The following ASIC2 variants were observed in gnomAD, a reference collection of about 807,000 sequenced individuals.
The protein encoded by ASIC2 is acid sensing ion channel subunit 2, also known as acid-sensing ion channel 2.
ASIC2 carries 25 observed loss-of-function variants against 57.3 expected under a neutral mutation model. The observed-to-expected ratio is 0.44, with a 90% confidence interval of 0.32 to 0.61. ASIC2 has a LOEUF of 0.61. Ranked by LOEUF, ASIC2 falls within the 20% of genes least tolerant of loss-of-function variation. The probability of loss-of-function intolerance (pLI) is 0.06; values close to 1 mark genes in which losing one functional copy is unlikely to be tolerated. For missense variants in ASIC2, 641 were observed against 738.1 expected (o/e 0.87, Z 1.52); for synonymous variants, 319 against 307.5 (o/e 1.04, Z -0.39).
intron 3 of ASIC2, among the ~76,000 whole-genome samples, chr17:33,064,896 A>T (rs1401619459): frequency 6.6e-6 from 1 of 152,202 alleles, no homozygotes; most frequent in Non-Finnish European, 1.5e-5. Context: ...AGTCATGCAC[A>T]TGCAGAGCTT....
chr17:34,075,075 G>C (rs1325188525), intron 1 of ASIC2, among the ~76,000 whole-genome samples: 1 of 152,128 alleles, frequency 6.6e-6, no homozygotes, highest in African/African-American at 2.4e-5. Context: ...GTGAGCCACC[G>C]CGCCCGGCCA....
intron 1 of ASIC2, among the ~76,000 whole-genome samples, chr17:33,917,917 T>G (rs868037609): frequency 1.4e-5 from 2 of 138,128 alleles, no homozygotes; most frequent in Non-Finnish European, 1.6e-5. Flanking sequence ...CACACACAGG[T>G]ACTGAATAAC....
At chr17:33,701,184 C>A (rs536361998) in intron 1 of ASIC2, among the ~76,000 whole-genome samples, 16 of 152,178 alleles carry the variant, frequency 1.1e-4, no homozygotes, top group African/African-American at 3.9e-4. Context: ...GATTAAAAAC[C>A]TAGGATGCAG....
At chr17:33,781,042 T>G (rs1381412387) in intron 1 of ASIC2, among the ~76,000 whole-genome samples, 1 of 152,278 alleles carries the variant, frequency 6.6e-6, no homozygotes, top group African/African-American at 2.4e-5. Flanking sequence ...GGCATGATGA[T>G]GAATCGTATC....
intron 1 of ASIC2, among the ~76,000 whole-genome samples, chr17:33,776,965 G>A (rs980908343): frequency 1.3e-4 from 20 of 152,190 alleles, no homozygotes; most frequent in African/African-American, 4.3e-4. Flanking sequence ...CCTGAGCACC[G>A]TGTGACCCTG....
intron 1 of ASIC2, among the ~76,000 whole-genome samples, chr17:33,910,522 G>T (rs553331500): frequency 6.6e-6 from 1 of 152,084 alleles, no homozygotes; most frequent in African/African-American, 2.4e-5. Context: ...CCCCAGGTTG[G>T]CTCTTCTTCC....
chr17:33,802,621 G>T (rs1912162204), intron 1 of ASIC2, among the ~76,000 whole-genome samples: 1 of 152,184 alleles, frequency 6.6e-6, no homozygotes, highest in African/African-American at 2.4e-5. Flanking sequence ...CTCCCAGTCT[G>T]CCCTGAATTG....
intron 1 of ASIC2, among the ~76,000 whole-genome samples, chr17:33,603,222 A>C (rs1905150721): frequency 2.0e-5 from 3 of 152,220 alleles, no homozygotes; most frequent in Admixed American, 2.0e-4. Flanking sequence ...CCAGGGGTTT[A>C]GCAAGGTGGC....
At chr17:34,132,597 CGTTTTACAGAGCACTG>C (rs1567833634) in intron 1 of ASIC2, among the ~76,000 whole-genome samples, 5 of 72,426 alleles carry the variant, frequency 6.9e-5, no homozygotes, top group Non-Finnish European at 1.7e-4. Context: ...CTGATTGGTG[CGTTTTACAGAGCACTG>C]ATTGGTGTGT....
intron 1 of ASIC2, among the ~76,000 whole-genome samples, chr17:33,309,256 GAC>G (rs1001764557): frequency 1.3e-5 from 2 of 151,956 alleles, no homozygotes; most frequent in Non-Finnish European, 2.9e-5. Flanking sequence ...ATTGTCTGCA[GAC>G]ACACATCTCT....
intron 1 of ASIC2, among the ~76,000 whole-genome samples, chr17:33,591,232 A>G (rs1292067284): frequency 6.6e-6 from 1 of 152,208 alleles, no homozygotes; most frequent in Non-Finnish European, 1.5e-5. Context: ...AAAACACAGG[A>G]AACTGTCTGA....
At chr17:33,961,999 T>G (rs543939250) in intron 1 of ASIC2, among the ~76,000 whole-genome samples, 1 of 152,276 alleles carries the variant, frequency 6.6e-6, no homozygotes, top group South Asian at 2.1e-4. Context: ...CGGTTCCAGA[T>G]GAGGCCGGCC....
chr17:33,281,141 C>A (rs80155272), intron 1 of ASIC2, among the ~76,000 whole-genome samples: 9 of 152,170 alleles, frequency 5.9e-5, no homozygotes, highest in Non-Finnish European at 1.2e-4. Context: ...TGCGGTGTGA[C>A]CTTGAGCAAC....
At chr17:34,050,541 T>G (rs533459630) in intron 1 of ASIC2, among the ~76,000 whole-genome samples, 53 of 152,326 alleles carry the variant, frequency 3.5e-4, no homozygotes, top group Non-Finnish European at 6.3e-4. Context: ...ATGTTCTGTA[T>G]TGGAGAATTT....
intron 1 of ASIC2, among the ~76,000 whole-genome samples, chr17:33,285,228 G>T (rs999766244): frequency 1.3e-5 from 2 of 152,220 alleles, no homozygotes; most frequent in African/African-American, 4.8e-5. Context: ...TCATCCTGAT[G>T]TTGGTCATTT....
intron 1 of ASIC2, among the ~76,000 whole-genome samples, chr17:33,539,022 C>T (rs1915323770): frequency 2.6e-5 from 4 of 152,188 alleles, no homozygotes; most frequent in African/African-American, 9.7e-5. Context: ...GTCCCATTTG[C>T]AGTTGAAGAG....
chr17:34,127,685 T>C (rs924354795), intron 1 of ASIC2, among the ~76,000 whole-genome samples: 5 of 152,202 alleles, frequency 3.3e-5, no homozygotes, highest in African/African-American at 1.2e-4. Flanking sequence ...CTCTTCCTGC[T>C]GCAGGACGGA....
At position 33,827,337 on chromosome 17, in the gene ASIC2, C is replaced by CTTTTTTTTTTTTTT. The variant is rs375695905; in HGVS notation, c.555+328640_555+328641insAAAAAAAAAAAAAA. The stretch of plus-strand genomic sequence containing the variant: ...GGACTAGGTCCTGTTGCAGCTCACT[C>CTTTTTTTTTTTTTT]TTTTTTTTTTTTGAGACAGAGTCTT... On this transcript the variant is annotated intron_variant, in intron 1 of 9. Coordinates refer to the ASIC2 transcript ENST00000359872. Among the ~76,000 whole-genome samples the CTTTTTTTTTTTTTT allele has an allele frequency of 6.0e-4, 46 of 76,518 alleles. 10 individuals carry two copies. The highest frequency in any genetic ancestry group is 1.3e-3 in the African/African-American group (27 of 20,132). 50.2% of individuals were successfully genotyped at this position (76,518 alleles called of 152,430 possible). A position where few individuals can be genotyped will look rare whatever the true frequency, so the allele number is the denominator to read the frequency against.
At chr17:33,600,563 A>G (rs961488997) in intron 1 of ASIC2, among the ~76,000 whole-genome samples, 1 of 152,244 alleles carries the variant, frequency 6.6e-6, no homozygotes, top group Non-Finnish European at 1.5e-5. Context: ...AGGTCAGGCT[A>G]TAAAAAGCCT....
Sources: gnomAD v4.1 joint callset for allele counts (sites outside exome capture counted in the v4.1 genomes callset) on GRCh38, gnomAD v4.1.1 for gene constraint, MANE v1.5 for transcripts, NCBI Gene and HGNC (gene_info 2026-07-23, HGNC 2026-07-21) for gene names.